The following CSMD1 variants were observed in gnomAD, a reference collection of about 807,000 sequenced individuals.
The protein encoded by CSMD1 is CUB and sushi domain-containing protein 1.
A neutral mutation model predicts 417.5 loss-of-function variants in CSMD1; 213 were observed. The ratio of observed to expected loss-of-function variants is 0.51; its 90% CI spans 0.46 to 0.57. The LOEUF (loss-of-function observed/expected upper bound fraction) is 0.57, where lower values mean the gene tolerates loss of function less well. CSMD1 is among the 20% of genes least tolerant of loss of function. CSMD1 has a pLI of 0.00. For synonymous variants in CSMD1, 2,862 were observed against 1,736.8 expected (o/e 1.65, Z -16.11); for missense variants, 6,923 against 4,529.7 (o/e 1.53, Z -15.17).
At chr8:4,333,347 C>G (rs760382341) in intron 3 of CSMD1, among the ~76,000 whole-genome samples, 1 of 152,022 alleles carries the variant, frequency 6.6e-6, no homozygotes, top group Non-Finnish European at 1.5e-5. Context: ...ACAGAAAGGG[C>G]GAGCGCAGGG....
chr8:4,437,420 C>G (rs995572226), intron 2 of CSMD1, among the ~76,000 whole-genome samples: 3 of 152,124 alleles, frequency 2.0e-5, no homozygotes, highest in Non-Finnish European at 4.4e-5. Flanking sequence ...GCCACATTTT[C>G]TAGTCATGAT....
chr8:3,223,382 A>G (rs1025866287), intron 28 of CSMD1, among the ~76,000 whole-genome samples: 2 of 152,192 alleles, frequency 1.3e-5, no homozygotes, highest in Non-Finnish European at 2.9e-5. Context: ...ACTATCAGGC[A>G]TTTAGAGTGA....
chr8:3,632,284 G>A (rs1241591092), intron 7 of CSMD1, among the ~76,000 whole-genome samples: 1 of 152,130 alleles, frequency 6.6e-6, no homozygotes, highest in Admixed American at 6.6e-5. Context: ...AGTGTTGGTT[G>A]GAGGCATTCT....
chr8:3,572,190 C>A lies in CSMD1; in HGVS notation c.1344+2755G>T, dbSNP rs572181729. Among the ~76,000 whole-genome samples the A allele has an allele frequency of 4.6e-5, 7 of 152,264 alleles. No homozygotes were observed. In the South Asian group the frequency reaches 1.4e-3, roughly 32 times the overall value. On this transcript the variant is annotated intron_variant, in intron 10 of 69. Transcript: ENST00000635120. ...GCGCATTCGAGCACTCCTTCTCCAC[C>A]CAGGAAGGGCGGTGGGAGCCCCCTC...
chr8:2,964,925 T>C lies in CSMD1; in HGVS notation c.9280+850A>G, dbSNP rs578046675. ...AGATGAAACCTTCTCCATAAGCTAC[T>C]GAGTGTCCTAACTCTCCCTCCCTCA... is the stretch of plus-strand genomic sequence containing the variant. On this transcript the variant is annotated intron_variant, in intron 59 of 69. Coordinates refer to ENST00000635120, the MANE Select transcript of CSMD1 (RefSeq NM_033225.6). 2.0e-5 allele frequency among the ~76,000 whole-genome samples: 3 copies of C among 152,308 alleles called. No individual in the cohort carries two copies. The East Asian group carries it at 5.8e-4, about 29-fold the overall frequency.
intron 23 of CSMD1, among the ~76,000 whole-genome samples, chr8:3,308,764 C>T (rs1191055825): frequency 1.1e-4 from 8 of 73,674 alleles, no homozygotes; most frequent in African/African-American, 3.3e-4. Flanking sequence ...GCTTTTGTTG[C>T]CCAGGCTGGA....
intron 3 of CSMD1, among the ~76,000 whole-genome samples, chr8:4,407,673 A>C (rs551742613): frequency 9.2e-5 from 14 of 152,244 alleles, no homozygotes; most frequent in Non-Finnish European, 2.1e-4. Context: ...TGTGAACTTC[A>C]TACAAATTTA....
intron 3 of CSMD1, among the ~76,000 whole-genome samples, chr8:4,168,179 A>G (rs1015115898): frequency 1.4e-5 from 2 of 147,294 alleles, no homozygotes; most frequent in Non-Finnish European, 3.0e-5. Flanking sequence ...ACACACACAT[A>G]CACACACACG....
chr8:4,002,035 G>C (rs542725561), intron 4 of CSMD1, among the ~76,000 whole-genome samples: 3 of 152,134 alleles, frequency 2.0e-5, no homozygotes, highest in Admixed American at 6.5e-5. Flanking sequence ...TGTTTGTATA[G>C]CACTCCACAT....
rs185556522 is a variant in CSMD1 at position 4,270,305 on chromosome 8, A to C, written c.415+149648T>G. On this transcript the variant is annotated intron_variant, in intron 3 of 69. Transcript: ENST00000635120. ...TACAGTTACCTTCTTCCCAGTCTTT[A>C]TACTGGTTTTATGCTTTATTAACAA... is the stretch of plus-strand genomic sequence containing the variant. Among the ~76,000 whole-genome samples the C allele has an allele frequency of 4.2e-3, 639 of 152,182 alleles. 10 individuals carry two copies. Among genetic ancestry groups the C allele is most frequent in the Non-Finnish European group, 2.1e-3 (140 of 67,980 alleles).
intron 7 of CSMD1, among the ~76,000 whole-genome samples, chr8:3,647,588 G>A (rs971774571): frequency 1.3e-5 from 2 of 152,150 alleles, no homozygotes; most frequent in African/African-American, 4.8e-5. Flanking sequence ...GAAAAACACA[G>A]CATGTTGGAA....
chr8:4,926,180 C>A lies in CSMD1; in HGVS notation c.85+68152G>T, dbSNP rs185462657. 1.1e-4 allele frequency among the ~76,000 whole-genome samples: 17 copies of A among 152,288 alleles called. No individual in the cohort carries two copies. In the East Asian group the frequency reaches 3.1e-3, roughly 28 times the overall value. Reference sequence around the variant, plus strand: ...GAAAGGACAGCCAAGCCTATCAAGTCTGAAATATTCAAATTGCAGGGTAAA... The same window carrying A: ...GAAAGGACAGCCAAGCCTATCAAGTATGAAATATTCAAATTGCAGGGTAAA... On this transcript the variant is annotated intron_variant, in intron 1 of 69. Coordinates refer to ENST00000635120, the MANE Select transcript of CSMD1 (RefSeq NM_033225.6).
At chr8:4,438,208 A>C (rs771536539) in intron 2 of CSMD1, among the ~76,000 whole-genome samples, 2 of 152,192 alleles carry the variant, frequency 1.3e-5, no homozygotes, top group South Asian at 2.1e-4. Flanking sequence ...GATCTGCAAG[A>C]AACTCCTGAA....
chr8:4,375,134 T>C (rs567953428), intron 3 of CSMD1, among the ~76,000 whole-genome samples: 6 of 152,156 alleles, frequency 3.9e-5, no homozygotes, highest in East Asian at 3.9e-4. Flanking sequence ...ATGGCAACTG[T>C]AGATAGGTGA....
intron 3 of CSMD1, among the ~76,000 whole-genome samples, chr8:4,229,424 C>G (rs1180673592): frequency 1.3e-5 from 2 of 152,210 alleles, no homozygotes; most frequent in Admixed American, 1.3e-4. Context: ...ACCACAATCA[C>G]TCATTATCTT....
chr8:3,774,600 G>T (rs768363960), intron 5 of CSMD1, among the ~76,000 whole-genome samples: 1 of 152,112 alleles, frequency 6.6e-6, no homozygotes, highest in Admixed American at 6.5e-5. Flanking sequence ...TTAATCTTCA[G>T]TTGGGAACCT....
At chr8:3,276,403 C>T (rs1047125924) in intron 26 of CSMD1, among the ~76,000 whole-genome samples, 7 of 152,318 alleles carry the variant, frequency 4.6e-5, no homozygotes, top group East Asian at 1.9e-4. Flanking sequence ...TGTTCCTATT[C>T]GTTCATCTTG....
At chr8:3,909,467 C>CA (rs1264847511) in intron 5 of CSMD1, among the ~76,000 whole-genome samples, 12 of 152,126 alleles carry the variant, frequency 7.9e-5, no homozygotes, top group Admixed American at 7.2e-4. Flanking sequence ...GCTCCTGAGA[C>CA]AGCAGTGCGG....
At chr8:4,721,685 C>G (rs1809062801) in intron 1 of CSMD1, among the ~76,000 whole-genome samples, 1 of 152,060 alleles carries the variant, frequency 6.6e-6, no homozygotes, top group South Asian at 2.1e-4. Context: ...TATCATATAA[C>G]CCAGCAATCC....
Sources: gnomAD v4.1 joint callset for allele counts (sites outside exome capture counted in the v4.1 genomes callset) on GRCh38, gnomAD v4.1.1 for gene constraint, MANE v1.5 for transcripts, NCBI Gene and HGNC (gene_info 2026-07-23, HGNC 2026-07-21) for gene names.